EZH1: variants seen among roughly 807,000 people sequenced by gnomAD.
EZH1 encodes the protein histone-lysine N-methyltransferase EZH1.
A neutral mutation model predicts 100.5 loss-of-function variants in EZH1; 33 were observed. The ratio of observed to expected loss-of-function variants is 0.33; its 90% CI spans 0.25 to 0.44. The LOEUF (loss-of-function observed/expected upper bound fraction) is 0.44. EZH1 is among the 20% of genes least tolerant of loss of function. The probability of loss-of-function intolerance (pLI) is 1.00; values close to 1 mark genes in which losing one functional copy is unlikely to be tolerated. For synonymous variants in EZH1, 272 were observed against 313.8 expected (o/e 0.87, Z 1.41); for missense variants, 475 against 928.4 (o/e 0.51, Z 6.35).
chr17:42,730,262 G>C (rs1294282312), intron 2 of EZH1, among the ~76,000 whole-genome samples: 3 of 152,144 alleles, frequency 2.0e-5, no homozygotes, highest in Non-Finnish European at 4.4e-5. Flanking sequence ...TGGTCAGCAA[G>C]AACCAAGTTT....
In EZH1 at chr17:42,727,645, A is replaced by C. The variant is rs1319202364; in HGVS notation, c.236T>G (p.Phe79Cys). 3 of 1,611,884 alleles carry C rather than the reference A, an allele frequency of 1.9e-6. No individual in the cohort carries two copies. The South Asian group carries it at 3.3e-5, about 18-fold the overall frequency. ...QSMKPVSGHP[F>C]LKKCTIESIF... ...AACTCCCAAAAGTACCTTTTTGAGA[A>C]AAGGGTGTCCACTCACAGGCTTCAT... Residue 79 changes from phenylalanine (F) to cysteine (C), a missense_variant, in exon 4 of 21, where the codon TTT becomes TGT. Physicochemically the swap from Phe to Cys is radical, Grantham distance 205 (BLOSUM62 -2). This residue lies in a region of EZH1 where 105 missense variants were observed against 129.8 expected (regional missense o/e 0.81). Coordinates refer to ENST00000428826, the MANE Select transcript of EZH1 (RefSeq NM_001991.5).
intron 1 of EZH1, among the ~76,000 whole-genome samples, chr17:42,744,640 T>A (rs1461653451): frequency 6.6e-6 from 1 of 151,974 alleles, no homozygotes; most frequent in Non-Finnish European, 1.5e-5. Flanking sequence ...AGAGTCCACC[T>A]CGCTAAAGGC....
intron 1 of EZH1, among the ~76,000 whole-genome samples, chr17:42,742,135 GTC>G (rs923673125): frequency 1.3e-5 from 2 of 148,990 alleles, no homozygotes; most frequent in African/African-American, 2.5e-5. Context: ...TTCCAGTGCT[GTC>G]TCTCTTTTTT....
intron 1 of EZH1, among the ~76,000 whole-genome samples, chr17:42,736,662 T>G (rs1157630372): frequency 6.6e-6 from 1 of 151,932 alleles, no homozygotes; most frequent in East Asian, 1.9e-4. Context: ...TGGTGAAACC[T>G]CATCTCTACA....
chr17:42,729,688 G>A (rs1254188807), intron 2 of EZH1, among the ~76,000 whole-genome samples: 9 of 149,768 alleles, frequency 6.0e-5, no homozygotes, highest in South Asian at 2.1e-4. Flanking sequence ...GCAGTAAGCC[G>A]AGATCGCACC....
intron 1 of EZH1, among the ~76,000 whole-genome samples, chr17:42,737,989 A>T (rs558661950): frequency 2.6e-4 from 40 of 152,148 alleles, no homozygotes; most frequent in African/African-American, 7.9e-4. Flanking sequence ...ATCCTGGGTA[A>T]CACAGTGAAA....
intron 5 of EZH1, among the ~76,000 whole-genome samples, chr17:42,723,668 A>T (rs1437593640): frequency 6.6e-6 from 1 of 152,220 alleles, no homozygotes; most frequent in Non-Finnish European, 1.5e-5. Context: ...GAATATAGTC[A>T]TTCTAAAATC....
rs752664376 is a variant in EZH1 at position 42,718,419 on chromosome 17, G to C, written c.931+35C>G. 1.2e-4 allele frequency: 198 copies of C among 1,610,124 alleles called. No homozygotes were observed. The highest frequency in any genetic ancestry group is 1.4e-4 in the Non-Finnish European group (166 of 1,178,342). On this transcript the variant is annotated intron_variant, in intron 9 of 20. Coordinates refer to ENST00000428826, the MANE Select transcript of EZH1 (RefSeq NM_001991.5). This position sits in a 1 kb window ranked among gnomAD's most constrained non-coding sequence, Gnocchi z 4.2. The stretch of plus-strand genomic sequence containing the variant: ...GGAAATGGTGGCTGGGGATGGAAGA[G>C]AGGAGAGCATTTCAAACAGAGTAGC...
At chr17:42,743,320 G>GC (rs1453138530) in intron 1 of EZH1, among the ~76,000 whole-genome samples, 1 of 151,678 alleles carries the variant, frequency 6.6e-6, no homozygotes, top group African/African-American at 2.4e-5. Context: ...ACAGGCGTGT[G>GC]CCACCACACC....
At chr17:42,729,005 T>G in intron 2 of EZH1, 53 bp from the exon 3 acceptor site, 1 of 1,447,962 alleles carries the variant, frequency 6.9e-7, no homozygotes, top group Non-Finnish European at 9.2e-7. Flanking sequence ...AATAAAGCAT[T>G]CCTCAAATAC....
chr17:42,743,171 CTTT>C (rs543119090), intron 1 of EZH1, among the ~76,000 whole-genome samples: 8 of 123,868 alleles, frequency 6.5e-5, no homozygotes, highest in Non-Finnish European at 6.9e-5. Context: ...GCCAGGCCTC[CTTT>C]TTTTTTTTTT....
At chr17:42,719,874 G>T (rs1406152210) in intron 7 of EZH1, among the ~76,000 whole-genome samples, 2 of 151,992 alleles carry the variant, frequency 1.3e-5, no homozygotes, top group African/African-American at 4.8e-5. Context: ...CTATAATTAT[G>T]ATACAATAAA....
At chr17:42,716,460 C>A (rs1041635728) in intron 10 of EZH1, among the ~76,000 whole-genome samples, 12 of 152,108 alleles carry the variant, frequency 7.9e-5, no homozygotes, top group Non-Finnish European at 1.6e-4. Flanking sequence ...GAAAATAGTC[C>A]AGCATTATAT....
intron 1 of EZH1, among the ~76,000 whole-genome samples, chr17:42,735,606 C>T (rs1480139290): frequency 6.6e-6 from 1 of 152,032 alleles, no homozygotes; most frequent in East Asian, 1.9e-4. Context: ...AGATAAACTC[C>T]AAAACATATG....
Position 42,730,832 on chromosome 17 carries a change from T to C in EZH1, c.-16A>G, listed in dbSNP as rs996008259. On this transcript the variant is annotated 5_prime_UTR_variant, in exon 2 of 21. Transcript: ENST00000428826. ...ATTCTAATATACTTTACCTACCTTA[T>C]AGAATGCAAGGGGAAGTGTTGGGTT... The C allele has an allele frequency of 5.1e-6, 5 of 985,044 alleles. No individual in the cohort carries two copies. The highest frequency in any genetic ancestry group is 5.2e-4 in the Middle Eastern group (1 of 1,914). The allele number at this position is 985,044 out of a possible 1,614,324, so 61.0% of individuals were successfully genotyped here.
At chr17:42,705,223 C>T in intron 16 of EZH1, 40 bp from the exon 17 acceptor site, 1 of 1,280,468 alleles carries the variant, frequency 7.8e-7, no homozygotes. Flanking sequence ...ACAGGGTGTG[C>T]ATGAGTAGGG....
At chr17:42,727,541 TCTTA>T in intron 4 of EZH1, 90 bp downstream of exon 4, 2 of 1,442,062 alleles carry the variant, frequency 1.4e-6, no homozygotes, top group Middle Eastern at 2.2e-4. Flanking sequence ...CCATACCTTG[TCTTA>T]CTTATTCACT....
intron 1 of EZH1, among the ~76,000 whole-genome samples, chr17:42,737,861 C>T (rs984912371): frequency 1.2e-4 from 18 of 151,992 alleles, no homozygotes; most frequent in Admixed American, 2.6e-4. Flanking sequence ...GAAAACATTA[C>T]TGAAATTGTA....
Position 42,718,299 on chromosome 17 carries a change from G to A in EZH1, c.931+155C>T. 9.8e-7 allele frequency: 1 copy of A among 1,017,172 alleles called. No homozygotes were observed. 63.0% of individuals were successfully genotyped at this position (1,017,172 alleles called of 1,614,324 possible). A position where few individuals can be genotyped will look rare whatever the true frequency, so the allele number is the denominator to read the frequency against. On this transcript the variant is annotated intron_variant, in intron 9 of 20. Transcript: ENST00000428826. This position sits in a 1 kb window ranked among gnomAD's most constrained non-coding sequence, Gnocchi z 4.2. ...CTGTCCCTATCATGCAAAGCATGTT[G>A]CACTATAATTGAGCAAGGGAAAATA...
Sources: allele counts gnomAD v4.1 joint callset (sites outside exome capture counted in the v4.1 genomes callset), GRCh38; gene constraint gnomAD v4.1.1; regional missense constraint gnomAD v4.1.1; non-coding constraint Gnocchi (gnomAD v3.1); transcripts MANE v1.5; gene names NCBI Gene and HGNC (gene_info 2026-07-23, HGNC 2026-07-21).